Variants in TAB2 observed in about 807,000 individuals in gnomAD.
TAB2 encodes TGF-beta-activated kinase 1 and MAP3K7-binding protein 2.
Under a neutral mutation model 65.0 loss-of-function variants are expected in TAB2, and 3 were observed. The ratio of observed to expected loss-of-function variants is 0.05; its 90% CI spans 0.02 to 0.12. The LOEUF (loss-of-function observed/expected upper bound fraction) is 0.12, where lower values mean the gene tolerates loss of function less well. Ranked by LOEUF, TAB2 falls within the 10% of genes least tolerant of loss-of-function variation. TAB2 has a pLI of 1.00. For missense variants in TAB2, 623 were observed against 840.3 expected (o/e 0.74, Z 3.20); for synonymous variants, 298 against 285.1 (o/e 1.05, Z -0.46).
chr6:149,317,474 G>A (rs923935839), upstream of TAB2: 9 of 166,706 alleles, frequency 5.4e-5, no homozygotes, highest in East Asian at 1.8e-4. The surrounding 1 kb of genome is among the most constrained non-coding windows in gnomAD (Gnocchi z 4.7). Flanking sequence ...GGGAGGCCTC[G>A]TCACAGCCGC....
At chr6:149,340,576 A>G (rs1780083553) in intron 1 of TAB2, among the ~76,000 whole-genome samples, 1 of 152,192 alleles carries the variant, frequency 6.6e-6, no homozygotes, top group South Asian at 2.1e-4. Flanking sequence ...ACTATAAGTA[A>G]TGAGATTTCA....
At chr6:149,254,262 G>A (rs866271595) in intron 1 of TAB2, among the ~76,000 whole-genome samples, 6 of 152,232 alleles carry the variant, frequency 3.9e-5, no homozygotes, top group Non-Finnish European at 4.4e-5. Context: ...CTATGGAGGA[G>A]TACAGAGCTG....
At chr6:149,376,520 G>T (rs1057385711) in intron 2 of TAB2, among the ~76,000 whole-genome samples, 1 of 151,872 alleles carries the variant, frequency 6.6e-6, no homozygotes, top group African/African-American at 2.4e-5. Flanking sequence ...TTCTTTACTC[G>T]TGCCATTCTC....
At chr6:149,364,832 A>G (rs1780987621) in intron 1 of TAB2, among the ~76,000 whole-genome samples, 2 of 151,464 alleles carry the variant, frequency 1.3e-5, no homozygotes, top group Non-Finnish European at 2.9e-5. Flanking sequence ...ATACTCTTAT[A>G]GTCCTAGAAA....
intron 1 of TAB2, among the ~76,000 whole-genome samples, chr6:149,290,116 G>C (rs949980018): frequency 3.4e-4 from 52 of 152,168 alleles, no homozygotes; most frequent in Non-Finnish European, 2.5e-4. Context: ...TGTTCTGTCA[G>C]TCTTAAGTTC....
At chr6:149,234,919 G>A (rs556678622) in intron 1 of TAB2, among the ~76,000 whole-genome samples, 4 of 140,634 alleles carry the variant, frequency 2.8e-5, no homozygotes, top group African/African-American at 1.1e-4. Flanking sequence ...CCTAAGAATA[G>A]ACCAAAAACA....
intron 2 of TAB2, among the ~76,000 whole-genome samples, chr6:149,373,048 C>G (rs1319769644): frequency 6.6e-6 from 1 of 152,170 alleles, no homozygotes; most frequent in Non-Finnish European, 1.5e-5. Flanking sequence ...AGTGTCTATC[C>G]TCTTTTCTCT....
At chr6:149,319,725 A>G (rs370112405) in intron 1 of TAB2, among the ~76,000 whole-genome samples, 6 of 152,186 alleles carry the variant, frequency 3.9e-5, no homozygotes, top group African/African-American at 1.4e-4. Context: ...TCAATTATAG[A>G]TGAATAAGTT....
intron 6 of TAB2, among the ~76,000 whole-genome samples, chr6:149,403,267 T>TACAC (rs1346697761): frequency 3.1e-4 from 15 of 48,438 alleles, no homozygotes; most frequent in African/African-American, 1.6e-3. Flanking sequence ...TATATATATA[T>TACAC]ATATATATAT....
At chr6:149,314,238 C>G (rs1779212505), upstream of TAB2, among the ~76,000 whole-genome samples, 1 of 152,182 alleles carries the variant, frequency 6.6e-6, no homozygotes, top group Admixed American at 6.5e-5. Context: ...GGTCTTTGTG[C>G]CTTCGAACCT....
intron 1 of TAB2, among the ~76,000 whole-genome samples, chr6:149,285,698 C>T (rs1583064985): frequency 6.6e-6 from 1 of 152,326 alleles, no homozygotes; most frequent in East Asian, 1.9e-4. Context: ...TATACCTCAA[C>T]CTGGTTGCCA....
At chr6:149,240,427 T>C (rs1777576287) in intron 1 of TAB2, among the ~76,000 whole-genome samples, 1 of 152,148 alleles carries the variant, frequency 6.6e-6, no homozygotes, top group African/African-American at 2.4e-5. Context: ...AGTTAGCCCC[T>C]CTCTGCTGCA....
intron 3 of TAB2, among the ~76,000 whole-genome samples, chr6:149,394,730 T>C (rs1782111238): frequency 6.6e-6 from 1 of 152,230 alleles, no homozygotes; most frequent in Admixed American, 6.5e-5. Flanking sequence ...GAGTAGTGCC[T>C]GAAGTGCAAG....
chr6:149,319,465 A>G (rs1172604339), intron 1 of TAB2, among the ~76,000 whole-genome samples: 1 of 152,244 alleles, frequency 6.6e-6, no homozygotes, highest in Non-Finnish European at 1.5e-5. Context: ...ATTAGAAACA[A>G]TGGGAAGAAT....
intron 1 of TAB2, among the ~76,000 whole-genome samples, chr6:149,260,488 G>A (rs371712822): frequency 7.0e-4 from 107 of 152,328 alleles, no homozygotes; most frequent in Admixed American, 1.4e-3. Context: ...TCATGTCTCC[G>A]GAGGAGAGCT....
intron 1 of TAB2, among the ~76,000 whole-genome samples, chr6:149,349,127 T>A (rs1780402407): frequency 6.6e-6 from 1 of 151,820 alleles, no homozygotes. Context: ...TGAGTTATTG[T>A]AAAGTAGTCA....
At chr6:149,221,148 C>G (rs1386619804) in intron 1 of TAB2, 2 of 152,190 alleles carry the variant, frequency 1.3e-5, no homozygotes, top group African/African-American at 4.8e-5. Flanking sequence ...AACTCAACAA[C>G]CACACAGCAG....
intron 6 of TAB2, among the ~76,000 whole-genome samples, chr6:149,405,533 G>A (rs988242862): frequency 6.6e-6 from 1 of 152,164 alleles, no homozygotes; most frequent in African/African-American, 2.4e-5. Flanking sequence ...GAAAACGTGA[G>A]AGATACACAC....
chr6:149,356,563 C>CG (rs1310237602), intron 1 of TAB2, among the ~76,000 whole-genome samples: 1 of 152,162 alleles, frequency 6.6e-6, no homozygotes, highest in African/African-American at 2.4e-5. Context: ...GCTATGTCCT[C>CG]GCATGGTGGA....
Sources: gnomAD v4.1 joint callset for allele counts (sites outside exome capture counted in the v4.1 genomes callset) on GRCh38, gnomAD v4.1.1 for gene constraint, Gnocchi (gnomAD v3.1) non-coding constraint, MANE v1.5 for transcripts, NCBI Gene and HGNC (gene_info 2026-07-23, HGNC 2026-07-21) for gene names.